GRID2: variants seen among roughly 807,000 people sequenced by gnomAD.
GRID2 encodes the protein glutamate ionotropic receptor delta type subunit 2.
In GRID2, 33 loss-of-function variants were observed where a neutral mutation model predicts 114.8. The observed-to-expected ratio is 0.29, with a 90% CI of 0.22 to 0.38. The LOEUF (loss-of-function observed/expected upper bound fraction) is 0.38. GRID2 is among the 10% of genes least tolerant of loss of function. The probability of loss-of-function intolerance (pLI) is 1.00; values close to 1 mark genes in which losing one functional copy is unlikely to be tolerated. For missense variants in GRID2, 1,184 were observed against 1,257.7 expected, an observed-to-expected ratio of 0.94 and a Z score of 0.89; for synonymous variants, 505 against 449.9, an observed-to-expected ratio of 1.12 and a Z score of -1.55.
intron 2 of GRID2, among the ~76,000 whole-genome samples, chr4:92,667,927 G>T (rs1732870127): frequency 6.6e-6 from 1 of 151,780 alleles, no homozygotes; most frequent in South Asian, 2.1e-4. Flanking sequence ...CCTCTTCAAA[G>T]ATTATGACCT....
At chr4:93,378,772 A>C (rs574535916) in intron 8 of GRID2, among the ~76,000 whole-genome samples, 1 of 152,086 alleles carries the variant, frequency 6.6e-6, no homozygotes, top group African/African-American at 2.4e-5. Flanking sequence ...TATTTGGCTT[A>C]AAACCTTTGT....
At chr4:93,603,371 A>C (rs528899815) in intron 13 of GRID2, among the ~76,000 whole-genome samples, 1 of 152,214 alleles carries the variant, frequency 6.6e-6, no homozygotes, top group Non-Finnish European at 1.5e-5. Context: ...TTTCAATTCT[A>C]TTCACCTCTA....
intron 2 of GRID2, among the ~76,000 whole-genome samples, chr4:92,716,482 TA>T (rs1405149948): frequency 1.3e-5 from 2 of 152,342 alleles, no homozygotes; most frequent in East Asian, 3.9e-4. Context: ...ATTTGGATAG[TA>T]CGTTGTAAAG....
At position 92,484,800 on chromosome 4, in the gene GRID2, T is replaced by C. The variant is rs181278991; in HGVS notation, c.89-105331T>C. On this transcript the variant is annotated intron_variant, in intron 1 of 15. Transcript: ENST00000282020. The stretch of plus-strand genomic sequence containing the variant: ...GACTTATGAGGTATGGAGTTGTATA[T>C]ATTTGATCTAAATCTCATATCTACC... 2.8e-4 allele frequency among the ~76,000 whole-genome samples: 43 copies of C among 152,120 alleles called. 1 individual carries two copies. The East Asian group carries it at 7.6e-3, about 27-fold the overall frequency.
At chr4:93,475,587 T>A (rs573249996) in intron 11 of GRID2, among the ~76,000 whole-genome samples, 6 of 152,148 alleles carry the variant, frequency 3.9e-5, no homozygotes, top group Non-Finnish European at 5.9e-5. Flanking sequence ...GTATTGGCAT[T>A]CTCTGACCTT....
chr4:93,307,169 T>G (rs539761467), intron 8 of GRID2, among the ~76,000 whole-genome samples: 2 of 145,752 alleles, frequency 1.4e-5, no homozygotes, highest in East Asian at 4.0e-4. Context: ...GCCACTACAC[T>G]CCAGCCTGGG....
chr4:93,167,393 A>G (rs919446669), intron 4 of GRID2, among the ~76,000 whole-genome samples: 26 of 152,178 alleles, frequency 1.7e-4, no homozygotes, highest in African/African-American at 6.0e-4. Context: ...AAATCCATCA[A>G]GGTATGCTAG....
chr4:93,693,794 G>C (rs1448991032), intron 14 of GRID2, among the ~76,000 whole-genome samples: 2 of 151,950 alleles, frequency 1.3e-5, no homozygotes, highest in Non-Finnish European at 2.9e-5. Context: ...AGTAATTTGG[G>C]ACCAAAAAAT....
chr4:93,306,235 T>C (rs1384496927), intron 8 of GRID2: 1 of 152,212 alleles, frequency 6.6e-6, no homozygotes, highest in East Asian at 1.9e-4. Context: ...TTCTAAAGGT[T>C]GGGCTAAGAG....
intron 1 of GRID2, among the ~76,000 whole-genome samples, chr4:92,314,444 T>C (rs1725864889): frequency 6.6e-6 from 1 of 152,120 alleles, no homozygotes; most frequent in South Asian, 2.1e-4. Flanking sequence ...GTTATGAATT[T>C]GATTTGCTTC....
At chr4:93,467,547 C>A (rs1269671912) in intron 11 of GRID2, among the ~76,000 whole-genome samples, 1 of 152,174 alleles carries the variant, frequency 6.6e-6, no homozygotes, top group Non-Finnish European at 1.5e-5. Context: ...TCATTATAGT[C>A]TCTTCTAAAT....
intron 11 of GRID2, among the ~76,000 whole-genome samples, chr4:93,467,767 A>G (rs1724430786): frequency 6.6e-6 from 1 of 152,186 alleles, no homozygotes; most frequent in African/African-American, 2.4e-5. Context: ...CTTTCTCTTG[A>G]CATATAGCTA....
intron 4 of GRID2, among the ~76,000 whole-genome samples, chr4:93,198,941 A>G (rs1041494489): frequency 2.6e-5 from 4 of 152,296 alleles, no homozygotes; most frequent in African/African-American, 9.6e-5. Context: ...TCAAAATCCA[A>G]CTAAGAACTC....
chr4:93,238,931 G>A (rs1387020647), intron 8 of GRID2, among the ~76,000 whole-genome samples: 1 of 151,162 alleles, frequency 6.6e-6, no homozygotes, highest in Non-Finnish European at 1.5e-5. Flanking sequence ...TTCTGTATGT[G>A]TCATGTAATA....
chr4:93,083,028 A>G (rs1446062317), intron 2 of GRID2, among the ~76,000 whole-genome samples: 2 of 150,884 alleles, frequency 1.3e-5, no homozygotes, highest in East Asian at 1.9e-4. Context: ...CCAAATTTCA[A>G]TGTTTATAAC....
chr4:92,466,032 G>C (rs1288726515), intron 1 of GRID2, among the ~76,000 whole-genome samples: 1 of 151,470 alleles, frequency 6.6e-6, no homozygotes, highest in Non-Finnish European at 1.5e-5. Context: ...GCACATATTT[G>C]GGGGGTACAT....
intron 11 of GRID2, among the ~76,000 whole-genome samples, chr4:93,458,772 C>T (rs1430870559): frequency 6.6e-6 from 1 of 151,928 alleles, no homozygotes; most frequent in Non-Finnish European, 1.5e-5. Flanking sequence ...AAAGGGATAA[C>T]AAGACAAATG....
intron 2 of GRID2, among the ~76,000 whole-genome samples, chr4:92,967,428 A>C (rs2149165716): frequency 6.6e-6 from 1 of 152,114 alleles, no homozygotes; most frequent in Non-Finnish European, 1.5e-5. Context: ...AGTCTATAGG[A>C]AAATTTCTTG....
intron 12 of GRID2, among the ~76,000 whole-genome samples, chr4:93,494,765 G>A (rs140098079): frequency 2.0e-3 from 306 of 151,876 alleles, no homozygotes; most frequent in Middle Eastern, 0.01. Flanking sequence ...CCATTGAGAG[G>A]TAACAACATA....
Sources: gnomAD v4.1 joint callset for allele counts (sites outside exome capture counted in the v4.1 genomes callset) on GRCh38, gnomAD v4.1.1 for gene constraint, MANE v1.5 for transcripts, NCBI Gene and HGNC (gene_info 2026-07-23, HGNC 2026-07-21) for gene names.